RAP1GAP2: variants seen among roughly 807,000 people sequenced by gnomAD.
RAP1GAP2 encodes the protein rap1 GTPase-activating protein 2.
A neutral mutation model predicts 95.0 loss-of-function variants in RAP1GAP2; 27 were observed. That is an observed-to-expected ratio of 0.28 (90% CI 0.21 to 0.39). The LOEUF is 0.39. Among genes scored for constraint, RAP1GAP2 ranks in the 10% least tolerant of loss-of-function variants. The pLI, the probability that RAP1GAP2 is intolerant of heterozygous loss-of-function variation, is 1.00. For missense variants in RAP1GAP2, 771 were observed against 970.0 expected, an observed-to-expected ratio of 0.79 and a Z score of 2.72; for synonymous variants, 373 against 380.9, an observed-to-expected ratio of 0.98 and a Z score of 0.24.
At chr17:2,954,166 G>A (rs942672981) in intron 3 of RAP1GAP2, among the ~76,000 whole-genome samples, 33 of 152,184 alleles carry the variant, frequency 2.2e-4, no homozygotes, top group African/African-American at 7.0e-4. Context: ...GTGCAGTAGC[G>A]CGATCTTGGC....
At chr17:2,811,332 G>A (rs1007792529) in intron 2 of RAP1GAP2, among the ~76,000 whole-genome samples, 8 of 152,174 alleles carry the variant, frequency 5.3e-5, no homozygotes, top group African/African-American at 1.9e-4. Context: ...CCTGAGCAGG[G>A]GTGCTGCTAA....
intron 3 of RAP1GAP2, among the ~76,000 whole-genome samples, chr17:2,924,774 C>T (rs962873561): frequency 1.2e-4 from 19 of 152,130 alleles, no homozygotes; most frequent in African/African-American, 4.6e-4. Context: ...ATGTCCCCTC[C>T]CCAATCCTAT....
chr17:3,012,768 G>T (rs777914069), intron 17 of RAP1GAP2, among the ~76,000 whole-genome samples: 4 of 152,148 alleles, frequency 2.6e-5, no homozygotes, highest in Non-Finnish European at 5.9e-5. Context: ...ATTCTCGGGA[G>T]TCTTGCGAGA....
intron 3 of RAP1GAP2, among the ~76,000 whole-genome samples, chr17:2,943,670 CAAACAAACAAAAAA>C (rs958326654): frequency 9.2e-3 from 85 of 9,234 alleles, no homozygotes; most frequent in African/African-American, 0.04. Flanking sequence ...GTCTCCAAAA[CAAACAAACAAAAAA>C]AAACAAACAA....
chr17:2,961,449 A>T (rs551588547), intron 4 of RAP1GAP2, among the ~76,000 whole-genome samples: 2 of 152,280 alleles, frequency 1.3e-5, no homozygotes, highest in South Asian at 4.1e-4. Flanking sequence ...TGGGAGGTGG[A>T]GGTTGCAGTA....
At chr17:2,881,827 T>C (rs943473553) in intron 2 of RAP1GAP2, among the ~76,000 whole-genome samples, 3 of 152,176 alleles carry the variant, frequency 2.0e-5, no homozygotes, top group Non-Finnish European at 4.4e-5. Context: ...TTTTTTTTAT[T>C]TGTTTGTTTT....
At chr17:2,772,179 CG>C (rs1308210411), upstream of RAP1GAP2, among the ~76,000 whole-genome samples, 7 of 152,142 alleles carry the variant, frequency 4.6e-5, no homozygotes, top group African/African-American at 9.6e-5. Context: ...TTAGTAGAGA[CG>C]GGGTTTCACC....
intron 2 of RAP1GAP2, among the ~76,000 whole-genome samples, chr17:2,893,851 C>T (rs979862979): frequency 3.9e-5 from 6 of 152,212 alleles, no homozygotes; most frequent in South Asian, 2.1e-4. Context: ...ATTTCTTCAG[C>T]GCAGGGGAGG....
At chr17:2,773,555 C>T (rs548586862), upstream of RAP1GAP2, among the ~76,000 whole-genome samples, 7 of 152,022 alleles carry the variant, frequency 4.6e-5, no homozygotes, top group African/African-American at 1.7e-4. Context: ...GAAGGTGTGA[C>T]CAGTGTGCTG....
intron 8 of RAP1GAP2, among the ~76,000 whole-genome samples, chr17:2,977,613 C>T (rs576442722): frequency 5.9e-5 from 9 of 151,828 alleles, no homozygotes; most frequent in Admixed American, 2.6e-4. Context: ...GGCGTGGTGG[C>T]GCATGCCTGT....
At chr17:2,858,757 A>T (rs1304284916) in intron 2 of RAP1GAP2, among the ~76,000 whole-genome samples, 1 of 152,126 alleles carries the variant, frequency 6.6e-6, no homozygotes, top group East Asian at 1.9e-4. Context: ...AAAAAAAATA[A>T]AAAAACATAG....
In RAP1GAP2 at chr17:2,887,799, C is replaced by T. The variant is rs562251898; in HGVS notation, c.81-17485C>T. On this transcript the variant is annotated intron_variant, in intron 2 of 24. Coordinates refer to ENST00000254695, the MANE Select transcript of RAP1GAP2 (RefSeq NM_015085.5). The stretch of plus-strand genomic sequence containing the variant: ...AAGCAATCCCCCTGCCTCAGCCTCC[C>T]GAGTACCTGGGACTACAGGTGCATA... Among the ~76,000 whole-genome samples the T allele has an allele frequency of 9.9e-5, 15 of 151,988 alleles. No homozygotes were observed. In the East Asian group the frequency reaches 2.3e-3, roughly 24 times the overall value.
chr17:2,889,904 T>G (rs1337275940), intron 2 of RAP1GAP2, among the ~76,000 whole-genome samples: 2 of 139,440 alleles, frequency 1.4e-5, no homozygotes, highest in Non-Finnish European at 3.1e-5. Context: ...TTTTTTTTTT[T>G]GTAGAGATGG....
intron 2 of RAP1GAP2, among the ~76,000 whole-genome samples, chr17:2,840,217 G>A (rs1297878537): frequency 6.6e-6 from 1 of 150,446 alleles, no homozygotes; most frequent in East Asian, 2.0e-4. Context: ...TCACTGGAGT[G>A]CGGTGGCGCG....
intron 3 of RAP1GAP2, among the ~76,000 whole-genome samples, chr17:2,912,306 T>TG (rs1294353332): frequency 9.2e-5 from 13 of 142,048 alleles, no homozygotes; most frequent in African/African-American, 3.7e-4. Context: ...GGGGGTGGTG[T>TG]GTGGGGGCTT....
At chr17:2,781,604 G>C in intron 1 of RAP1GAP2, among the ~76,000 whole-genome samples, 1 of 147,482 alleles carries the variant, frequency 6.8e-6, no homozygotes, top group Non-Finnish European at 1.5e-5. Flanking sequence ...CTCTGTGTGT[G>C]CAGGTCTCTG....
At chr17:3,030,059 A>T (rs113383290) in intron 22 of RAP1GAP2, among the ~76,000 whole-genome samples, 1 of 148,098 alleles carries the variant, frequency 6.8e-6, no homozygotes, top group African/African-American at 2.5e-5. Flanking sequence ...ATATACATAT[A>T]TAGTATATAC....
At chr17:2,788,065 T>C (rs2068833226) in intron 1 of RAP1GAP2, among the ~76,000 whole-genome samples, 2 of 152,222 alleles carry the variant, frequency 1.3e-5, no homozygotes, top group African/African-American at 4.8e-5. Context: ...TCTGTATACA[T>C]AGATCTTGTC....
intron 3 of RAP1GAP2, among the ~76,000 whole-genome samples, chr17:2,931,711 T>C (rs1274867000): frequency 6.6e-6 from 1 of 152,204 alleles, no homozygotes; most frequent in African/African-American, 2.4e-5. Flanking sequence ...AAGTAATCAT[T>C]AACTGGAAGA....
Sources: allele counts gnomAD v4.1 joint callset (sites outside exome capture counted in the v4.1 genomes callset), GRCh38; gene constraint gnomAD v4.1.1; transcripts MANE v1.5; gene names NCBI Gene and HGNC (gene_info 2026-07-23, HGNC 2026-07-21).